Variants in RBMS3 observed in about 807,000 individuals in gnomAD.
RBMS3 encodes the protein RNA binding motif single stranded interacting protein 3, also known as RNA-binding motif, single-stranded-interacting protein 3.
A neutral mutation model predicts 66.8 loss-of-function variants in RBMS3; 27 were observed. The ratio of observed to expected loss-of-function variants is 0.40; its 90% CI spans 0.30 to 0.56. RBMS3 has a LOEUF of 0.56. Among genes scored for constraint, RBMS3 ranks in the 20% least tolerant of loss-of-function variants. The pLI is 0.40. For missense variants in RBMS3, 513 were observed against 549.5 expected (o/e 0.93, Z 0.66); for synonymous variants, 188 against 183.0 (o/e 1.03, Z -0.22).
At chr3:29,574,849 A>G (rs1241247494) in intron 3 of RBMS3, among the ~76,000 whole-genome samples, 9 of 151,834 alleles carry the variant, frequency 5.9e-5, no homozygotes, top group Non-Finnish European at 1.3e-4. Context: ...ACACACACAC[A>G]CACACACACA....
intron 14 of RBMS3, among the ~76,000 whole-genome samples, chr3:29,996,981 TG>T (rs1699286132): frequency 6.6e-6 from 1 of 151,996 alleles, no homozygotes; most frequent in African/African-American, 2.4e-5. Context: ...ATCCAGGAGC[TG>T]GTTTTTTGAA....
intron 2 of RBMS3, among the ~76,000 whole-genome samples, chr3:29,483,058 A>G (rs1206251413): frequency 6.6e-6 from 1 of 151,940 alleles, no homozygotes; most frequent in Non-Finnish European, 1.5e-5. Flanking sequence ...TGAAGTTTTA[A>G]AAGTAGTTCT....
chr3:29,783,408 C>T (rs561952671), intron 6 of RBMS3, among the ~76,000 whole-genome samples: 1 of 152,188 alleles, frequency 6.6e-6, no homozygotes, highest in East Asian at 1.9e-4. Flanking sequence ...CATCCTTAAA[C>T]AAAACAATTA....
chr3:29,346,953 A>G (rs2036612140), intron 1 of RBMS3, among the ~76,000 whole-genome samples: 1 of 152,208 alleles, frequency 6.6e-6, no homozygotes, highest in Non-Finnish European at 1.5e-5. Context: ...TATGTTTCTA[A>G]CTAAAAGCAC....
At chr3:29,647,641 C>G (rs2049976631) in intron 4 of RBMS3, among the ~76,000 whole-genome samples, 3 of 152,130 alleles carry the variant, frequency 2.0e-5, no homozygotes, top group South Asian at 2.1e-4. Context: ...TGGAACATAT[C>G]TCTCGCAGGC....
chr3:29,363,490 C>G (rs1380416512), intron 1 of RBMS3, among the ~76,000 whole-genome samples: 1 of 152,106 alleles, frequency 6.6e-6, no homozygotes, highest in Non-Finnish European at 1.5e-5. Context: ...AATTGACACT[C>G]AAATTAAAAC....
intron 3 of RBMS3, among the ~76,000 whole-genome samples, chr3:29,497,725 C>T (rs2043807020): frequency 6.6e-6 from 1 of 152,074 alleles, no homozygotes; most frequent in South Asian, 2.1e-4. Context: ...TTGTGTCCTT[C>T]CTCTAGATTA....
rs552561260 is a variant in RBMS3, at chr3:29,908,576, G to A, written c.939+8821G>A. On this transcript the variant is annotated intron_variant, in intron 10 of 14. Transcript: ENST00000383767. ...TTTAAGAATGTATAGAGTTTTTAAT[G>A]CCCTTGATTGTCATAAAACTTGAGG... 3.9e-5 allele frequency among the ~76,000 whole-genome samples: 6 copies of A among 152,124 alleles called. No individual in the cohort carries two copies. In the South Asian group the frequency reaches 1.2e-3, roughly 32 times the overall value.
chr3:29,685,290 T>C lies in RBMS3; in HGVS notation c.400-54430T>C, dbSNP rs190429938. 4.7e-3 allele frequency among the ~76,000 whole-genome samples: 715 copies of C among 152,278 alleles called. 8 individuals carry two copies. The highest frequency in any genetic ancestry group is 0.016 in the African/African-American group (652 of 41,566). ...GTTAGCCAGGATGGTCTCCATCTCC[T>C]GACCTCGTGATCCGCCCGCCTCGAC... On this transcript the variant is annotated intron_variant, in intron 4 of 14. Coordinates refer to ENST00000383767, the MANE Select transcript of RBMS3 (RefSeq NM_001003793.3).
At chr3:29,311,880 T>A (rs1298286656) in intron 1 of RBMS3, among the ~76,000 whole-genome samples, 2 of 151,838 alleles carry the variant, frequency 1.3e-5, no homozygotes, top group Non-Finnish European at 2.9e-5. Context: ...AGCATTTGGA[T>A]AGCCAGATGT....
At chr3:29,584,892 C>G (rs1218910209) in intron 3 of RBMS3, among the ~76,000 whole-genome samples, 1 of 152,118 alleles carries the variant, frequency 6.6e-6, no homozygotes, top group Non-Finnish European at 1.5e-5. Flanking sequence ...ATTGCAATCT[C>G]AATTTAAAAA....
intron 10 of RBMS3, among the ~76,000 whole-genome samples, chr3:29,905,838 A>G (rs2060363045): frequency 6.6e-6 from 1 of 152,154 alleles, no homozygotes; most frequent in Non-Finnish European, 1.5e-5. Flanking sequence ...TGTGGGCTGC[A>G]TGCAGCCAGT....
intron 5 of RBMS3, among the ~76,000 whole-genome samples, chr3:29,740,686 T>A (rs956094163): frequency 1.3e-5 from 2 of 152,168 alleles, no homozygotes; most frequent in African/African-American, 4.8e-5. Flanking sequence ...TCCAGCTGAT[T>A]TATCATGGAT....
intron 4 of RBMS3, among the ~76,000 whole-genome samples, chr3:29,728,453 T>A (rs2053984659): frequency 6.6e-6 from 1 of 152,144 alleles, no homozygotes; most frequent in South Asian, 2.1e-4. Context: ...AATAAAAAAA[T>A]AGTTTAACCT....
intron 3 of RBMS3, among the ~76,000 whole-genome samples, chr3:29,571,425 T>C (rs1194758066): frequency 1.3e-5 from 2 of 152,164 alleles, no homozygotes; most frequent in Non-Finnish European, 2.9e-5. Context: ...TTTAAGTCTT[T>C]AATCCATTTT....
chr3:29,693,266 C>A (rs189715766), intron 4 of RBMS3, among the ~76,000 whole-genome samples: 1 of 152,234 alleles, frequency 6.6e-6, no homozygotes, highest in East Asian at 1.9e-4. Flanking sequence ...CTGTACAGAG[C>A]AAATTCAGAC....
At chr3:29,901,772 T>C (rs2060258424) in intron 10 of RBMS3, among the ~76,000 whole-genome samples, 1 of 151,820 alleles carries the variant, frequency 6.6e-6, no homozygotes, top group African/African-American at 2.4e-5. Context: ...GGTTTAAATG[T>C]AATGTTTATG....
In RBMS3 at chr3:29,384,429, T is replaced by G. The variant is rs1193526901; in HGVS notation, c.76-50314T>G. Among the ~76,000 whole-genome samples the G allele has an allele frequency of 4.3e-3, 409 of 95,914 alleles. 1 individual carries two copies. The highest frequency in any genetic ancestry group is 0.012 in the African/African-American group (352 of 28,356). 62.9% of individuals were successfully genotyped at this position (95,914 alleles called of 152,430 possible). A position where few individuals can be genotyped will look rare whatever the true frequency, so the allele number is the denominator to read the frequency against. On this transcript the variant is annotated intron_variant, in intron 1 of 14. Coordinates refer to ENST00000383767, the MANE Select transcript of RBMS3 (RefSeq NM_001003793.3). ...TAAACATATACACCAATAATAATAA[T>G]AATAATAAGAAGAAGAAGAAGAAGA... is the stretch of plus-strand genomic sequence containing the variant.
chr3:29,951,313 G>A (rs939098441), intron 12 of RBMS3, among the ~76,000 whole-genome samples: 1 of 151,746 alleles, frequency 6.6e-6, no homozygotes, highest in African/African-American at 2.4e-5. Flanking sequence ...TCTCACACAT[G>A]CAGTTTTAAA....
Sources: allele counts gnomAD v4.1 joint callset (sites outside exome capture counted in the v4.1 genomes callset), GRCh38; gene constraint gnomAD v4.1.1; transcripts MANE v1.5; gene names NCBI Gene and HGNC (gene_info 2026-07-23, HGNC 2026-07-21).